Variants in CSNK2A2IP observed in about 807,000 individuals in gnomAD.
The protein encoded by CSNK2A2IP is casein kinase II subunit alpha'-interacting protein.
At chr3:88,415,083 A>G in the CSNK2A2IP span, among the ~76,000 whole-genome samples, 11 of 152,020 alleles carry the variant, frequency 7.2e-5, no homozygotes, top group Non-Finnish European at 1.5e-4. Flanking sequence ...AAAAAGCCAC[A>G]TAGCAAAACA....
chr3:88,391,065 G>T, the CSNK2A2IP span, among the ~76,000 whole-genome samples: 1 of 152,152 alleles, frequency 6.6e-6, no homozygotes, highest in Non-Finnish European at 1.5e-5. Context: ...TGTATGCTCA[G>T]TTTCTGCTTA....
At chr3:88,400,552 T>C in the CSNK2A2IP span, among the ~76,000 whole-genome samples, 9 of 152,286 alleles carry the variant, frequency 5.9e-5, no homozygotes, top group East Asian at 1.7e-3. Context: ...AATCTAATTG[T>C]ATAGGTCTTT....
At chr3:88,449,064 C>T in the CSNK2A2IP span, among the ~76,000 whole-genome samples, 308 of 152,122 alleles carry the variant, frequency 2.0e-3, 1 homozygote, top group Admixed American at 3.5e-3. Context: ...TTCTCTCCTT[C>T]CTCCTTCCCT....
the CSNK2A2IP span, among the ~76,000 whole-genome samples, chr3:88,405,623 C>A: frequency 6.6e-6 from 1 of 152,170 alleles, no homozygotes. Context: ...CTAGCAATAT[C>A]TCTTGTGATT....
chr3:88,394,263 A>T, the CSNK2A2IP span, among the ~76,000 whole-genome samples: 1 of 152,232 alleles, frequency 6.6e-6, no homozygotes, highest in African/African-American at 2.4e-5. Context: ...TTCCATTACT[A>T]AATACATTTA....
At chr3:88,349,060 T>C in the CSNK2A2IP span, among the ~76,000 whole-genome samples, 1 of 152,212 alleles carries the variant, frequency 6.6e-6, no homozygotes, top group East Asian at 1.9e-4. Context: ...TTCCAAGTTT[T>C]CTTGATGTTT....
chr3:88,413,212 T>C, the CSNK2A2IP span, among the ~76,000 whole-genome samples: 2 of 151,998 alleles, frequency 1.3e-5, no homozygotes, highest in Non-Finnish European at 2.9e-5. Flanking sequence ...GTCAGGTATG[T>C]TTGACCTGAA....
At chr3:88,341,552 A>C in the CSNK2A2IP span, among the ~76,000 whole-genome samples, 283 of 152,020 alleles carry the variant, frequency 1.9e-3, 8 homozygotes, top group East Asian at 0.018. Flanking sequence ...TATGTTAAAC[A>C]GTAAACATTT....
chr3:88,380,959 G>C, the CSNK2A2IP span, among the ~76,000 whole-genome samples: 1 of 152,206 alleles, frequency 6.6e-6, no homozygotes. Context: ...AGTTTGGGAT[G>C]ATGTATATTC....
chr3:88,461,775 T>C, the CSNK2A2IP span, among the ~76,000 whole-genome samples: 1 of 152,126 alleles, frequency 6.6e-6, no homozygotes, highest in African/African-American at 2.4e-5. Flanking sequence ...ATTGATTTTT[T>C]ATTTTTATGA....
chr3:88,350,060 T>C, the CSNK2A2IP span, among the ~76,000 whole-genome samples: 1 of 152,052 alleles, frequency 6.6e-6, no homozygotes, highest in East Asian at 1.9e-4. Context: ...AACAATATGA[T>C]TTTCCTTTCA....
chr3:88,410,945 T>C, the CSNK2A2IP span, among the ~76,000 whole-genome samples: 9 of 152,008 alleles, frequency 5.9e-5, no homozygotes, highest in African/African-American at 2.2e-4. Flanking sequence ...TGATTTCTCA[T>C]TTTAACTGCT....
the CSNK2A2IP span, among the ~76,000 whole-genome samples, chr3:88,464,724 A>G: frequency 6.6e-6 from 1 of 152,176 alleles, no homozygotes; most frequent in South Asian, 2.1e-4. Context: ...TTTTTACACA[A>G]AAACTTATCA....
the CSNK2A2IP span, among the ~76,000 whole-genome samples, chr3:88,434,868 A>T: frequency 6.6e-6 from 1 of 152,172 alleles, no homozygotes; most frequent in African/African-American, 2.4e-5. Context: ...AAAGGTACTG[A>T]TGGATTGCTG....
At chr3:88,448,563 G>C in the CSNK2A2IP span, among the ~76,000 whole-genome samples, 1 of 152,106 alleles carries the variant, frequency 6.6e-6, no homozygotes, top group Non-Finnish European at 1.5e-5. Context: ...CATATGTATT[G>C]CTATAGTCTG....
At chr3:88,466,561 C>T in the CSNK2A2IP span, 1 of 1,231,662 alleles carries the variant, frequency 8.1e-7, no homozygotes, top group East Asian at 3.2e-5. Flanking sequence ...TCAGTTTTCT[C>T]CAAAGACAGA....
chr3:88,418,105 A>G, the CSNK2A2IP span, among the ~76,000 whole-genome samples: 1 of 147,862 alleles, frequency 6.8e-6, no homozygotes, highest in Non-Finnish European at 1.5e-5. Context: ...AGTTGTACGT[A>G]TAAGAAAATC....
At chr3:88,431,602 T>C in the CSNK2A2IP span, among the ~76,000 whole-genome samples, 3 of 152,100 alleles carry the variant, frequency 2.0e-5, no homozygotes, top group Admixed American at 6.5e-5. Context: ...CAATAAACTA[T>C]GGAAGTAAAA....
At chr3:88,463,846 T>C in the CSNK2A2IP span, among the ~76,000 whole-genome samples, 2 of 151,986 alleles carry the variant, frequency 1.3e-5, no homozygotes, top group South Asian at 2.1e-4. Context: ...TAAAGACACA[T>C]GCACACGTAT....
Sources: gnomAD v4.1 joint callset for allele counts (sites outside exome capture counted in the v4.1 genomes callset) on GRCh38, gnomAD v4.1.1 for gene constraint, MANE v1.5 for transcripts, NCBI Gene and HGNC (gene_info 2026-07-23, HGNC 2026-07-21) for gene names.